P2RY14: variants seen among roughly 807,000 people sequenced by gnomAD.
P2RY14 encodes P2Y purinoceptor 14.
In P2RY14, 2 loss-of-function variants were observed where a neutral mutation model predicts 0.9. The observed-to-expected ratio is 2.16, with a 90% CI of 0.88 to 6.79. P2RY14 has a LOEUF of 6.79. Ranked by LOEUF, P2RY14 falls within the 30% of genes most tolerant of loss-of-function variation. P2RY14 has a pLI of 0.05. For synonymous variants in P2RY14, 158 were observed against 147.2 expected, an observed-to-expected ratio of 1.07 and a Z score of -0.53; for missense variants, 378 against 400.1, an observed-to-expected ratio of 0.94 and a Z score of 0.47.
intron 1 of P2RY14, among the ~76,000 whole-genome samples, chr3:151,230,098 T>C (rs1389680268): frequency 6.6e-6 from 1 of 152,168 alleles, no homozygotes; most frequent in East Asian, 1.9e-4. Flanking sequence ...GCCTCCCAAG[T>C]AGCTGGGACT....
chr3:151,214,359 T>A lies in P2RY14; in HGVS notation c.-24-19A>T, dbSNP rs1431115118. ...CAGAGGCCTGAAAAGAGGTGTGAACTGGTCACTCATAGGGCACTTATGGCC... is the reference window on the plus strand; with the variant it reads ...CAGAGGCCTGAAAAGAGGTGTGAACAGGTCACTCATAGGGCACTTATGGCC... On this transcript the variant is annotated intron_variant, in intron 2 of 2. Transcript: ENST00000309170. 1.3e-6 allele frequency: 2 copies of A among 1,538,022 alleles called. No individual in the cohort carries two copies. Among genetic ancestry groups the A allele is most frequent in the Non-Finnish European group, 1.8e-6 (2 of 1,125,422 alleles).
intron 1 of P2RY14, chr3:151,241,747 A>G (rs1189280440): frequency 2.0e-5 from 3 of 151,974 alleles, no homozygotes; most frequent in Non-Finnish European, 4.4e-5. Flanking sequence ...ACTGGCAAGA[A>G]AGTTGGGAGG....
At chr3:151,251,021 T>C (rs988343533) in intron 1 of P2RY14, among the ~76,000 whole-genome samples, 1 of 152,220 alleles carries the variant, frequency 6.6e-6, no homozygotes, top group African/African-American at 2.4e-5. Context: ...ATGATGATTC[T>C]CTCTGTGGTA....
At chr3:151,276,229 T>C (rs1050322175) in intron 1 of P2RY14, among the ~76,000 whole-genome samples, 1 of 152,246 alleles carries the variant, frequency 6.6e-6, no homozygotes, top group African/African-American at 2.4e-5. Flanking sequence ...CCATTGTTTC[T>C]GATTCTGTAG....
rs750054348 is a variant in P2RY14 at position 151,274,050 on chromosome 3, GGATTT to G, written c.-133+4232_-133+4236del. Among the ~76,000 whole-genome samples, 279 of 152,224 alleles carry G rather than the reference GGATTT, an allele frequency of 1.8e-3. 1 individual carries two copies. Among genetic ancestry groups the G allele is most frequent in the Non-Finnish European group, 3.6e-3 (246 of 68,024 alleles). On this transcript the variant is annotated intron_variant, in intron 1 of 2. Transcript: ENST00000309170. ...ACTACTTGAACTAAACTGAGAAACT[GGATTT>G]GACTGGCAGTGTGCTAAAGTCGTGG...
rs181362354 is a variant in P2RY14, at chr3:151,258,400, G to C, written c.-133+19887C>G. Among the ~76,000 whole-genome samples, 37 of 152,232 alleles carry C rather than the reference G, an allele frequency of 2.4e-4. No homozygotes were observed. The East Asian group carries it at 6.0e-3, about 25-fold the overall frequency. Reference sequence around the variant, plus strand: ...ATAAACCAGGTGAAGAAAATTTTCTGTTATTTTCTTGAAGAATAAAATAAA... The same window carrying C: ...ATAAACCAGGTGAAGAAAATTTTCTCTTATTTTCTTGAAGAATAAAATAAA... On this transcript the variant is annotated intron_variant, in intron 1 of 2. Coordinates refer to ENST00000309170, the MANE Select transcript of P2RY14 (RefSeq NM_014879.4).
chr3:151,270,192 C>T, intron 1 of P2RY14: 1 of 76,978 alleles, frequency 1.3e-5, no homozygotes, highest in South Asian at 1.9e-4. Flanking sequence ...TGGGAGCAAG[C>T]TGTCGTGTGT....
intron 1 of P2RY14, among the ~76,000 whole-genome samples, chr3:151,220,691 G>A (rs1577012659): frequency 6.6e-6 from 1 of 152,300 alleles, no homozygotes; most frequent in Middle Eastern, 3.4e-3. Context: ...AGACATGCCT[G>A]TCACCTTCTG....
rs116219144 is a variant in P2RY14, at chr3:151,227,677, C to T, written c.-132-8035G>A. On this transcript the variant is annotated intron_variant, in intron 1 of 2. Coordinates refer to ENST00000309170, the MANE Select transcript of P2RY14 (RefSeq NM_014879.4). ...TGGATACATAGTCATGCAGTCTTCCCGAATGGCAAACTGGGGGCCAGGAAA... is the reference window on the plus strand; with the variant it reads ...TGGATACATAGTCATGCAGTCTTCCTGAATGGCAAACTGGGGGCCAGGAAA... Among the ~76,000 whole-genome samples, 288 of 152,250 alleles carry T rather than the reference C, an allele frequency of 1.9e-3. 1 individual carries two copies. Among genetic ancestry groups the T allele is most frequent in the African/African-American group, 6.4e-3 (267 of 41,534 alleles).
At chr3:151,232,867 A>G (rs1464038727) in intron 1 of P2RY14, among the ~76,000 whole-genome samples, 1 of 152,208 alleles carries the variant, frequency 6.6e-6, no homozygotes, top group Admixed American at 6.5e-5. Context: ...AATCTGCAAC[A>G]AATCCCTGTG....
intron 1 of P2RY14, among the ~76,000 whole-genome samples, chr3:151,232,315 G>A (rs957243175): frequency 1.3e-5 from 2 of 152,152 alleles, no homozygotes; most frequent in African/African-American, 2.4e-5. Flanking sequence ...ACCAATGTGT[G>A]GAAGTGTTCT....
intron 2 of P2RY14, among the ~76,000 whole-genome samples, chr3:151,219,305 T>G (rs1402946864): frequency 6.6e-6 from 1 of 152,226 alleles, no homozygotes; most frequent in Non-Finnish European, 1.5e-5. Flanking sequence ...AAAGCATTGC[T>G]CACTCCAGAA....
chr3:151,231,292 G>A (rs1195678903), intron 1 of P2RY14, among the ~76,000 whole-genome samples: 1 of 152,186 alleles, frequency 6.6e-6, no homozygotes, highest in Non-Finnish European at 1.5e-5. Context: ...CTTCAATTGT[G>A]GCCAAAAGCC....
At position 151,213,837 on chromosome 3, in the gene P2RY14, G is replaced by T; in HGVS notation, c.480C>A (p.Thr160=). ...GTGTAACCTCCCTAACACTCTGGTT[G>T]GTGAGAATAATATTTGGAACAGCAA... ...LLLAVPNIIL[T]NQSVREVTQI... Residue 160 remains threonine (T), a synonymous_variant, in exon 3 of 3, where the codon ACC becomes ACA. Transcript: ENST00000309170. 1 of 1,614,038 alleles carries T rather than the reference G, an allele frequency of 6.2e-7. No homozygotes were observed. The highest frequency in any genetic ancestry group is 1.6e-4 in the Middle Eastern group (1 of 6,062).
chr3:151,216,988 C>T (rs927559080), intron 2 of P2RY14, among the ~76,000 whole-genome samples: 1 of 152,118 alleles, frequency 6.6e-6, no homozygotes, highest in Non-Finnish European at 1.5e-5. Context: ...AACCCCCCAG[C>T]GCCTGGCCAT....
chr3:151,225,573 A>G (rs1359660427), intron 1 of P2RY14, among the ~76,000 whole-genome samples: 1 of 152,152 alleles, frequency 6.6e-6, no homozygotes, highest in East Asian at 1.9e-4. Flanking sequence ...TGGCAAATCA[A>G]TTTCAAATGA....
In P2RY14 at chr3:151,226,013, C is replaced by T. The variant is rs184626298; in HGVS notation, c.-132-6371G>A. Among the ~76,000 whole-genome samples, 267 of 152,306 alleles carry T rather than the reference C, an allele frequency of 1.8e-3. 2 individuals are homozygous for T. Among genetic ancestry groups the T allele is most frequent in the African/African-American group, 6.0e-3 (251 of 41,570 alleles). On this transcript the variant is annotated intron_variant, in intron 1 of 2. Transcript: ENST00000309170. Reference sequence around the variant, plus strand: ...TTTGTTCATTTGCTCACTATAAAGCCGTCAGAACATGCTGCCATGCCCTAT... The same window carrying T: ...TTTGTTCATTTGCTCACTATAAAGCTGTCAGAACATGCTGCCATGCCCTAT...
At chr3:151,266,659 T>C (rs989397079) in intron 1 of P2RY14, among the ~76,000 whole-genome samples, 5 of 152,160 alleles carry the variant, frequency 3.3e-5, no homozygotes, top group African/African-American at 9.7e-5. Context: ...GATGAGCAAG[T>C]GATATGAACA....
intron 1 of P2RY14, among the ~76,000 whole-genome samples, chr3:151,228,299 A>T (rs1475612888): frequency 2.5e-5 from 3 of 118,740 alleles, no homozygotes; most frequent in Non-Finnish European, 5.8e-5. Context: ...GTCTAAAATG[A>T]GGGGAGAAGT....
Sources: allele counts gnomAD v4.1 joint callset (sites outside exome capture counted in the v4.1 genomes callset), GRCh38; gene constraint gnomAD v4.1.1; transcripts MANE v1.5; gene names NCBI Gene and HGNC (gene_info 2026-07-23, HGNC 2026-07-21).